DNAH7: variants seen among roughly 807,000 people sequenced by gnomAD.
DNAH7 encodes axonemal beta dynein heavy chain 7.
Under a neutral mutation model 444.6 loss-of-function variants are expected in DNAH7, and 397 were observed. The observed-to-expected ratio is 0.89, with a 90% CI of 0.82 to 0.97. The LOEUF is 0.97. Among genes scored for constraint, DNAH7 ranks in the 50% least tolerant of loss-of-function variants. The probability of loss-of-function intolerance (pLI) is 0.00; values close to 1 mark genes in which losing one functional copy is unlikely to be tolerated. For synonymous variants in DNAH7, 1,636 were observed against 1,624.4 expected (o/e 1.01, Z -0.17); for missense variants, 4,902 against 4,800.8 (o/e 1.02, Z -0.62).
At chr2:195,765,113 G>C (rs1694512698) in intron 61 of DNAH7, among the ~76,000 whole-genome samples, 1 of 152,080 alleles carries the variant, frequency 6.6e-6, no homozygotes, top group Non-Finnish European at 1.5e-5. Flanking sequence ...TTTTGACAAA[G>C]TTGCCAAGAA....
intron 49 of DNAH7, among the ~76,000 whole-genome samples, chr2:195,819,633 T>C (rs1310694095): frequency 1.3e-5 from 2 of 151,998 alleles, no homozygotes; most frequent in East Asian, 1.9e-4. Flanking sequence ...AGAACATACA[T>C]TGGGATAAGG....
chr2:195,770,061 C>T (rs1168281322), intron 61 of DNAH7, among the ~76,000 whole-genome samples: 1 of 152,172 alleles, frequency 6.6e-6, no homozygotes, highest in African/African-American at 2.4e-5. Context: ...TCATTAACTA[C>T]TCTCTTGCTC....
intron 8 of DNAH7, among the ~76,000 whole-genome samples, chr2:196,021,554 T>G (rs1325380525): frequency 1.3e-5 from 2 of 152,070 alleles, no homozygotes; most frequent in Non-Finnish European, 2.9e-5. Flanking sequence ...GCACAGAGGC[T>G]CACACCTGTA....
At chr2:195,938,729 A>G (rs1322619214) in intron 19 of DNAH7, among the ~76,000 whole-genome samples, 2 of 152,180 alleles carry the variant, frequency 1.3e-5, no homozygotes, top group Non-Finnish European at 2.9e-5. Context: ...TTTTTTTATT[A>G]TTGAATTTCC....
intron 2 of DNAH7, 37 bp from the exon 3 acceptor site, chr2:196,051,286 T>A (rs1300935463): frequency 1.3e-6 from 2 of 1,561,110 alleles, no homozygotes; most frequent in Non-Finnish European, 1.8e-6. Context: ...AAGTGTTTAC[T>A]CTGTTAGTGC....
At chr2:195,808,582 G>T in intron 53 of DNAH7, 100 bp downstream of exon 53, 1 of 1,401,958 alleles carries the variant, frequency 7.1e-7, no homozygotes, top group Non-Finnish European at 9.7e-7. Context: ...CATGTGACCA[G>T]TTGTTTAAAG....
intron 12 of DNAH7, chr2:195,994,492 T>G: frequency 2.0e-6 from 1 of 496,228 alleles, no homozygotes; most frequent in South Asian, 1.7e-5. Context: ...CCATGTCCTG[T>G]GTTGGTTGAA....
intron 47 of DNAH7, among the ~76,000 whole-genome samples, chr2:195,841,611 A>G (rs1282056998): frequency 6.6e-6 from 1 of 151,956 alleles, no homozygotes; most frequent in African/African-American, 2.4e-5. Flanking sequence ...GATGAATACA[A>G]ATTCTGAATT....
intron 47 of DNAH7, among the ~76,000 whole-genome samples, chr2:195,839,832 G>C (rs1202159516): frequency 6.6e-6 from 1 of 151,708 alleles, no homozygotes; most frequent in East Asian, 1.9e-4. Flanking sequence ...AGATCACCTG[G>C]ATAGACCTGT....
chr2:195,971,697 G>C (rs1170797623), intron 16 of DNAH7, among the ~76,000 whole-genome samples: 1 of 152,082 alleles, frequency 6.6e-6, no homozygotes, highest in Non-Finnish European at 1.5e-5. Context: ...AGTGAGGAGT[G>C]GGGAGAAGTA....
At chr2:196,038,722 T>C (rs1483984769) in intron 5 of DNAH7, among the ~76,000 whole-genome samples, 1 of 152,134 alleles carries the variant, frequency 6.6e-6, no homozygotes, top group African/African-American at 2.4e-5. Flanking sequence ...CCTTTACAGA[T>C]GAAGTAGTAA....
chr2:195,858,056 C>G (rs976378979), intron 43 of DNAH7, among the ~76,000 whole-genome samples: 1 of 151,390 alleles, frequency 6.6e-6, no homozygotes, highest in African/African-American at 2.4e-5. Context: ...TTTATGTATC[C>G]CCCCAAAAAA....
chr2:195,945,469 G>A (rs531286583), intron 19 of DNAH7, among the ~76,000 whole-genome samples: 2 of 152,232 alleles, frequency 1.3e-5, no homozygotes, highest in South Asian at 2.1e-4. Flanking sequence ...ATGTGTTCAC[G>A]ATCTTCCTTG....
chr2:195,877,930 A>C (rs530584), intron 36 of DNAH7, among the ~76,000 whole-genome samples: 2,211 of 152,328 alleles, frequency 0.015, 62 homozygotes, highest in African/African-American at 0.05. Flanking sequence ...GGAATGGGGA[A>C]GTTTAGAATA....
intron 9 of DNAH7, among the ~76,000 whole-genome samples, chr2:196,014,390 G>T (rs780958589): frequency 1.3e-5 from 2 of 152,012 alleles, no homozygotes; most frequent in Admixed American, 6.6e-5. Context: ...TAGTAGAACC[G>T]AACAGCTCCA....
rs1157155627 is a variant in DNAH7 at position 195,875,725 on chromosome 2, G to C, written c.6236C>G (p.Ser2079Cys). Residue 2079 changes from serine (S) to cysteine (C), a missense_variant, in exon 38 of 65, where the codon TCC becomes TGC. Coordinates refer to ENST00000312428, the MANE Select transcript of DNAH7 (RefSeq NM_018897.3). ...HWNWYDLKDC[S>C]MIKLVDIQIM... is the part of the protein sequence containing the mutation. ...CTGAATGTCCACTAGTTTAATCATG[G>C]AACAATCTTTTAGATCATACCAGTT... 4.3e-6 allele frequency: 7 copies of C among 1,610,688 alleles called. No homozygotes were observed. Among genetic ancestry groups the C allele is most frequent in the African/African-American group, 2.7e-5 (2 of 74,774 alleles).
At chr2:196,010,091 TTTCC>T (rs1176534739) in intron 10 of DNAH7, among the ~76,000 whole-genome samples, 3 of 151,774 alleles carry the variant, frequency 2.0e-5, no homozygotes, top group Non-Finnish European at 4.4e-5. Context: ...GAAAGAACTC[TTTCC>T]TTCCTTCCTT....
intron 47 of DNAH7, among the ~76,000 whole-genome samples, chr2:195,840,501 T>G (rs1698619874): frequency 6.6e-6 from 1 of 151,632 alleles, no homozygotes; most frequent in African/African-American, 2.4e-5. Flanking sequence ...CCCTTGTCAG[T>G]GCAATAAGCT....
intron 19 of DNAH7, among the ~76,000 whole-genome samples, chr2:195,957,003 A>G (rs532754526): frequency 6.6e-6 from 1 of 152,336 alleles, no homozygotes; most frequent in South Asian, 2.1e-4. Context: ...GCATCAGATA[A>G]GAACCAATAA....
Sources: allele counts gnomAD v4.1 joint callset (sites outside exome capture counted in the v4.1 genomes callset), GRCh38; gene constraint gnomAD v4.1.1; transcripts MANE v1.5; gene names NCBI Gene and HGNC (gene_info 2026-07-23, HGNC 2026-07-21).